The following CDH18 variants were observed in gnomAD, a reference collection of about 807,000 sequenced individuals.
CDH18 encodes the protein cadherin 18.
In CDH18, 31 loss-of-function variants were observed where a neutral mutation model predicts 67.9. That is an observed-to-expected ratio of 0.46 (90% CI 0.34 to 0.62). The LOEUF (loss-of-function observed/expected upper bound fraction) is 0.62. Among genes scored for constraint, CDH18 ranks in the 20% least tolerant of loss-of-function variants. The pLI, the probability that CDH18 is intolerant of heterozygous loss-of-function variation, is 0.01. For synonymous variants in CDH18, 362 were observed against 347.2 expected (o/e 1.04, Z -0.48); for missense variants, 890 against 975.5 (o/e 0.91, Z 1.17).
intron 1 of CDH18, among the ~76,000 whole-genome samples, chr5:20,567,357 C>G (rs1758574325): frequency 6.6e-6 from 1 of 152,084 alleles, no homozygotes; most frequent in Non-Finnish European, 1.5e-5. Context: ...CTTTTTTAAA[C>G]AAATGACTTT....
intron 3 of CDH18, among the ~76,000 whole-genome samples, chr5:19,777,178 C>T (rs888500777): frequency 6.6e-6 from 1 of 152,010 alleles, no homozygotes; most frequent in South Asian, 2.1e-4. Context: ...TATGCAGGAG[C>T]CTGAGGCACA....
At chr5:19,475,541 CACACACACACACAT>C in intron 12 of CDH18, among the ~76,000 whole-genome samples, 1 of 151,766 alleles carries the variant, frequency 6.6e-6, no homozygotes, top group Middle Eastern at 3.4e-3. Flanking sequence ...GCAACACACA[CACACACACACACAT>C]ACACACACAC....
intron 1 of CDH18, among the ~76,000 whole-genome samples, chr5:20,394,023 TAAC>T (rs982587815): frequency 1.3e-5 from 2 of 151,938 alleles, no homozygotes; most frequent in African/African-American, 4.8e-5. Flanking sequence ...CCCGTCAAAT[TAAC>T]AACATCATTT....
rs1433963900 is a variant in CDH18, at chr5:19,839,010, A to C, written c.-24T>G. 1.3e-6 allele frequency: 2 copies of C among 1,582,552 alleles called. No homozygotes were observed. Among genetic ancestry groups the C allele is most frequent in the South Asian group, 2.2e-5 (2 of 90,460 alleles). On this transcript the variant is annotated 5_prime_UTR_variant, in exon 3 of 13. Transcript: ENST00000382275. ...ATTGTAAGATAACTTTCCAGTTCAC[A>C]GTTTTCCTTCCTTTCCTTGTCAGCT... is the stretch of plus-strand genomic sequence containing the variant.
intron 1 of CDH18, among the ~76,000 whole-genome samples, chr5:20,282,144 T>G (rs1453915302): frequency 1.3e-5 from 2 of 152,176 alleles, no homozygotes; most frequent in East Asian, 3.9e-4. Flanking sequence ...AGATATACAA[T>G]CATGTCATCT....
chr5:20,314,074 A>G (rs1026149151), intron 1 of CDH18, among the ~76,000 whole-genome samples: 6 of 152,024 alleles, frequency 3.9e-5, no homozygotes, highest in African/African-American at 1.4e-4. Flanking sequence ...ATTTACATAC[A>G]ATTTATGTAC....
chr5:19,489,631 C>T (rs1468777266), intron 11 of CDH18, among the ~76,000 whole-genome samples: 4 of 152,242 alleles, frequency 2.6e-5, no homozygotes, highest in East Asian at 1.9e-4. Context: ...TTTCCACTCT[C>T]GTCACGAAAA....
At chr5:19,835,897 C>G (rs1011238447) in intron 3 of CDH18, among the ~76,000 whole-genome samples, 2 of 152,106 alleles carry the variant, frequency 1.3e-5, no homozygotes, top group East Asian at 1.9e-4. Context: ...CGCCACAAAC[C>G]TGAACAGCAT....
chr5:20,528,090 GA>G (rs1352398006), intron 1 of CDH18, among the ~76,000 whole-genome samples: 4 of 151,840 alleles, frequency 2.6e-5, no homozygotes, highest in African/African-American at 9.7e-5. Flanking sequence ...ATGAAAAGCA[GA>G]AAAAAGTGGG....
chr5:19,657,950 C>T (rs188996488), intron 5 of CDH18, among the ~76,000 whole-genome samples: 126 of 152,144 alleles, frequency 8.3e-4, no homozygotes, highest in Non-Finnish European at 1.6e-3. Context: ...AACTCTTAGT[C>T]CTGGCATAAG....
intron 2 of CDH18, among the ~76,000 whole-genome samples, chr5:19,842,468 A>G (rs4382173): frequency 0.89 from 135,650 of 152,120 alleles, 60,591 homozygotes; most frequent in Non-Finnish European, 0.92. Context: ...GCCTTGTGAA[A>G]AAGAACATGT....
At chr5:19,499,956 T>G (rs446427) in intron 11 of CDH18, among the ~76,000 whole-genome samples, 33,534 of 152,064 alleles carry the variant, frequency 0.22, 4,215 homozygotes, top group African/African-American at 0.33. Context: ...CAGACTTTCA[T>G]GTGAGAAGTA....
At chr5:20,127,325 C>A (rs909265514) in intron 2 of CDH18, among the ~76,000 whole-genome samples, 1 of 152,052 alleles carries the variant, frequency 6.6e-6, no homozygotes, top group Non-Finnish European at 1.5e-5. Flanking sequence ...GTACAACCTA[C>A]AGAGCTGTGA....
chr5:20,421,841 T>TAC (rs1553995874), intron 1 of CDH18, among the ~76,000 whole-genome samples: 11 of 150,286 alleles, frequency 7.3e-5, no homozygotes, highest in South Asian at 6.2e-4. Flanking sequence ...TATATATATA[T>TAC]ACACATGTAT....
At chr5:20,274,772 CG>C (rs948287257) in intron 1 of CDH18, among the ~76,000 whole-genome samples, 9 of 152,136 alleles carry the variant, frequency 5.9e-5, no homozygotes, top group African/African-American at 2.2e-4. Flanking sequence ...TGGCTTTTGG[CG>C]TATTATCATA....
intron 2 of CDH18, among the ~76,000 whole-genome samples, chr5:20,151,316 A>C (rs529096482): frequency 6.6e-6 from 1 of 152,230 alleles, no homozygotes; most frequent in African/African-American, 2.4e-5. Context: ...AAAGAACATA[A>C]TTGTATTCCT....
intron 2 of CDH18, among the ~76,000 whole-genome samples, chr5:19,901,087 A>G (rs1022769879): frequency 6.6e-6 from 1 of 152,102 alleles, no homozygotes; most frequent in Admixed American, 6.5e-5. Context: ...GGATTTGGTG[A>G]GTATATCACT....
chr5:20,202,557 G>A (rs1050801473), intron 2 of CDH18, among the ~76,000 whole-genome samples: 1 of 151,756 alleles, frequency 6.6e-6, no homozygotes, highest in Non-Finnish European at 1.5e-5. Context: ...ATTTTTTTCT[G>A]GTGTTATTAG....
intron 2 of CDH18, among the ~76,000 whole-genome samples, chr5:20,138,735 T>C (rs964924185): frequency 6.6e-6 from 1 of 152,162 alleles, no homozygotes; most frequent in Non-Finnish European, 1.5e-5. Context: ...GAGAATCAAA[T>C]ACTGAGGAAT....
Sources: gnomAD v4.1 joint callset for allele counts (sites outside exome capture counted in the v4.1 genomes callset) on GRCh38, gnomAD v4.1.1 for gene constraint, MANE v1.5 for transcripts, NCBI Gene and HGNC (gene_info 2026-07-23, HGNC 2026-07-21) for gene names.